The following FILIP1L variants were observed in gnomAD, a reference collection of about 807,000 sequenced individuals.
FILIP1L encodes filamin A-interacting protein 1-like.
A neutral mutation model predicts 96.6 loss-of-function variants in FILIP1L; 55 were observed. The ratio of observed to expected loss-of-function variants is 0.57; its 90% CI spans 0.46 to 0.71. The LOEUF (loss-of-function observed/expected upper bound fraction) is 0.71. Among genes scored for constraint, FILIP1L ranks in the 30% least tolerant of loss-of-function variants. The probability of loss-of-function intolerance (pLI) is 0.00; values close to 1 mark genes in which losing one functional copy is unlikely to be tolerated. For missense variants in FILIP1L, 1,304 were observed against 1,321.2 expected, an observed-to-expected ratio of 0.99 and a Z score of 0.20; for synonymous variants, 467 against 473.9, an observed-to-expected ratio of 0.99 and a Z score of 0.19.
chr3:99,888,930 G>A (rs1222157356), intron 4 of FILIP1L, among the ~76,000 whole-genome samples: 3 of 152,044 alleles, frequency 2.0e-5, no homozygotes, highest in Non-Finnish European at 4.4e-5. Context: ...ATATTTTTAG[G>A]TAGAGGAAGA....
intron 4 of FILIP1L, among the ~76,000 whole-genome samples, chr3:99,870,563 T>C (rs1384816423): frequency 1.3e-5 from 2 of 152,218 alleles, no homozygotes; most frequent in Non-Finnish European, 2.9e-5. Context: ...TCCATGCTAG[T>C]AGCTATAGCT....
chr3:100,097,121 G>A (rs968388867), intron 1 of FILIP1L, among the ~76,000 whole-genome samples: 3 of 152,132 alleles, frequency 2.0e-5, no homozygotes, highest in Non-Finnish European at 4.4e-5. Flanking sequence ...GATTCTCATA[G>A]GAGCACAAAC....
intron 3 of FILIP1L, among the ~76,000 whole-genome samples, chr3:99,928,529 A>T (rs1707368764): frequency 6.6e-6 from 1 of 152,204 alleles, no homozygotes; most frequent in South Asian, 2.1e-4. Flanking sequence ...TTACAGAGTT[A>T]AGACTGCAAG....
intron 4 of FILIP1L, among the ~76,000 whole-genome samples, chr3:99,880,770 A>G (rs1208972460): frequency 1.3e-5 from 2 of 152,166 alleles, no homozygotes; most frequent in Non-Finnish European, 2.9e-5. Flanking sequence ...ATGTAGTCCT[A>G]CCACATGAAT....
chr3:99,914,082 G>A (rs1409146595), intron 4 of FILIP1L, among the ~76,000 whole-genome samples: 1 of 152,174 alleles, frequency 6.6e-6, no homozygotes, highest in African/African-American at 2.4e-5. Flanking sequence ...AGGGAATTTG[G>A]CAAAGTGGGC....
intron 4 of FILIP1L, among the ~76,000 whole-genome samples, chr3:99,883,681 C>G (rs1195411027): frequency 1.3e-5 from 2 of 152,168 alleles, no homozygotes; most frequent in East Asian, 3.8e-4. Flanking sequence ...AGGATAATCA[C>G]TTCTATACTG....
intron 1 of FILIP1L, among the ~76,000 whole-genome samples, chr3:99,980,802 G>C (rs1270902772): frequency 7.9e-5 from 12 of 152,142 alleles, no homozygotes; most frequent in Non-Finnish European, 1.8e-4. Flanking sequence ...GAGCCAGAGA[G>C]AGAGTGAGTG....
chr3:99,983,416 A>G lies in FILIP1L; in HGVS notation c.-10-52386T>C, dbSNP rs182970157. Among the ~76,000 whole-genome samples the G allele has an allele frequency of 3.2e-3, 311 of 96,944 alleles. 11 individuals carry two copies. Among genetic ancestry groups the G allele is most frequent in the African/African-American group, 8.0e-3 (185 of 23,048 alleles). The allele number at this position is 96,944 out of a possible 152,430, so 63.6% of individuals were successfully genotyped here. A position where few individuals can be genotyped will look rare whatever the true frequency, so the allele number is the denominator to read the frequency against. On this transcript the variant is annotated intron_variant, in intron 1 of 5. Coordinates refer to ENST00000477258, the MANE Select transcript of FILIP1L (RefSeq NM_001387850.1). ...TATATATATATATATATATATATAT[A>G]TATGTATGTATGTATGTATATATAT... is the stretch of plus-strand genomic sequence containing the variant.
At chr3:100,056,662 T>G (rs1195566638) in intron 1 of FILIP1L, among the ~76,000 whole-genome samples, 1 of 151,844 alleles carries the variant, frequency 6.6e-6, no homozygotes, top group Non-Finnish European at 1.5e-5. Flanking sequence ...GTCTTATTGC[T>G]TTGGACTGCC....
intron 4 of FILIP1L, among the ~76,000 whole-genome samples, chr3:99,902,919 A>T (rs938226735): frequency 6.6e-6 from 1 of 152,228 alleles, no homozygotes; most frequent in Non-Finnish European, 1.5e-5. Context: ...AGCAACTAAA[A>T]TCTATAAAAT....
rs1559713312 is a variant in FILIP1L at position 99,983,389 on chromosome 3, A to ATAT, written c.-10-52360_-10-52359insATA. Reference sequence around the variant, plus strand: ...TCTCTACTTAAAAAATAAATAAATAAATATATATATATATATATATATATA... The same window carrying ATAT: ...TCTCTACTTAAAAAATAAATAAATAATATATATATATATATATATATATATATA... On this transcript the variant is annotated intron_variant, in intron 1 of 5. Coordinates refer to ENST00000477258, the MANE Select transcript of FILIP1L (RefSeq NM_001387850.1). Among the ~76,000 whole-genome samples, 15 of 40,794 alleles carry ATAT rather than the reference A, an allele frequency of 3.7e-4. 1 individual carries two copies. Among genetic ancestry groups the ATAT allele is most frequent in the African/African-American group, 1.0e-3 (10 of 9,796 alleles). The allele number at this position is 40,794 out of a possible 152,430, so 26.8% of individuals were successfully genotyped here.
chr3:100,039,515 A>G (rs2065165196), intron 1 of FILIP1L, among the ~76,000 whole-genome samples: 1 of 152,214 alleles, frequency 6.6e-6, no homozygotes, highest in African/African-American at 2.4e-5. Context: ...AGATAGTGTA[A>G]GATTCAGTCT....
At position 99,909,143 on chromosome 3, in the gene FILIP1L, A is replaced by G. The variant is rs150002637; in HGVS notation, c.605+15087T>C. 4.1e-4 allele frequency among the ~76,000 whole-genome samples: 63 copies of G among 152,290 alleles called. 1 individual carries two copies. The East Asian group carries it at 0.011, about 27-fold the overall frequency. On this transcript the variant is annotated intron_variant, in intron 4 of 5. Transcript: ENST00000477258. The stretch of plus-strand genomic sequence containing the variant: ...ACAAGTAGATGGCTAAAGTGTCATA[A>G]TTTAGGAGCTTCAAGTTGAGGCTAT...
At chr3:99,974,723 A>G (rs890095811) in intron 1 of FILIP1L, among the ~76,000 whole-genome samples, 4 of 152,148 alleles carry the variant, frequency 2.6e-5, no homozygotes, top group African/African-American at 9.7e-5. Context: ...AACAACAACA[A>G]CAACAACAAC....
chr3:99,912,817 G>A (rs1300481284), intron 4 of FILIP1L, among the ~76,000 whole-genome samples: 1 of 152,134 alleles, frequency 6.6e-6, no homozygotes, highest in Non-Finnish European at 1.5e-5. Flanking sequence ...GTGAATATTT[G>A]TGTACAGATT....
At chr3:99,845,905 C>T (rs947563467) in intron 5 of FILIP1L, among the ~76,000 whole-genome samples, 3 of 152,132 alleles carry the variant, frequency 2.0e-5, no homozygotes, top group Middle Eastern at 3.2e-3. Context: ...TGGTAAATTT[C>T]CAGTTATGTT....
At position 99,868,945 on chromosome 3, in the gene FILIP1L, G is replaced by A. The variant is rs995299638; in HGVS notation, c.606-17875C>T. On this transcript the variant is annotated intron_variant, in intron 4 of 5. Coordinates refer to ENST00000477258, the MANE Select transcript of FILIP1L (RefSeq NM_001387850.1). ...TATTACTTTTGCCGTTAAGCCAACT[G>A]TAAGCTCCTTAAAGGAATAATACCT... Among the ~76,000 whole-genome samples the A allele has an allele frequency of 2.0e-5, 3 of 152,110 alleles. No individual in the cohort carries two copies. The East Asian group carries it at 5.8e-4, about 29-fold the overall frequency.
At chr3:100,074,550 A>G (rs1311533701) in intron 1 of FILIP1L, among the ~76,000 whole-genome samples, 1 of 152,112 alleles carries the variant, frequency 6.6e-6, no homozygotes, top group Non-Finnish European at 1.5e-5. Flanking sequence ...CAAAATTATA[A>G]TAAAATAAGC....
chr3:99,899,855 C>T (rs900560392), intron 4 of FILIP1L, among the ~76,000 whole-genome samples: 2 of 152,120 alleles, frequency 1.3e-5, no homozygotes, highest in East Asian at 1.9e-4. Flanking sequence ...GAGTACCTTC[C>T]TCATAGGGTT....
Sources: allele counts gnomAD v4.1 joint callset (sites outside exome capture counted in the v4.1 genomes callset), GRCh38; gene constraint gnomAD v4.1.1; transcripts MANE v1.5; gene names NCBI Gene and HGNC (gene_info 2026-07-23, HGNC 2026-07-21).